The following MARCHF8 variants were observed in gnomAD, a reference collection of about 807,000 sequenced individuals.
MARCHF8 encodes E3 ubiquitin-protein ligase MARCHF8.
Under a neutral mutation model 51.6 loss-of-function variants are expected in MARCHF8, and 40 were observed. The observed-to-expected ratio is 0.77, with a 90% confidence interval of 0.60 to 1.01. MARCHF8 has a LOEUF of 1.01. MARCHF8 is among the 50% of genes least tolerant of loss of function. MARCHF8 has a pLI of 0.00. For missense variants in MARCHF8, 685 were observed against 708.6 expected (o/e 0.97, Z 0.38); for synonymous variants, 263 against 280.3 (o/e 0.94, Z 0.62).
chr10:45,506,825 T>A (rs1478197430), intron 2 of MARCHF8, among the ~76,000 whole-genome samples: 2 of 152,052 alleles, frequency 1.3e-5, no homozygotes, highest in Non-Finnish European at 2.9e-5. Flanking sequence ...AGTGGAAAAT[T>A]TTCACTTCTT....
At chr10:45,509,282 G>A (rs1403206537) in intron 2 of MARCHF8, among the ~76,000 whole-genome samples, 2 of 152,190 alleles carry the variant, frequency 1.3e-5, no homozygotes, top group Non-Finnish European at 2.9e-5. Context: ...TGTAGTTTTT[G>A]TCTGGAATAT....
At chr10:45,487,805 A>AT (rs562846749) in intron 3 of MARCHF8, among the ~76,000 whole-genome samples, 16 of 152,268 alleles carry the variant, frequency 1.1e-4, no homozygotes, top group Non-Finnish European at 1.9e-4. Flanking sequence ...GAAAACATAT[A>AT]TGTAGTCAGC....
At chr10:45,499,832 T>C (rs914575286) in intron 2 of MARCHF8, among the ~76,000 whole-genome samples, 1 of 152,244 alleles carries the variant, frequency 6.6e-6, no homozygotes, top group African/African-American at 2.4e-5. Flanking sequence ...ACTTGTTTAC[T>C]GTAGCTTTGT....
chr10:45,505,698 G>A, intron 2 of MARCHF8, among the ~76,000 whole-genome samples: 1 of 152,232 alleles, frequency 6.6e-6, no homozygotes, highest in East Asian at 1.9e-4. Context: ...ATTTCCCAAT[G>A]GGGATTCGGT....
intron 3 of MARCHF8, among the ~76,000 whole-genome samples, chr10:45,481,668 G>C (rs2042889850): frequency 6.6e-6 from 1 of 152,110 alleles, no homozygotes; most frequent in Non-Finnish European, 1.5e-5. Context: ...ATCATTGTGA[G>C]GCCTCCCCAG....
intron 2 of MARCHF8, among the ~76,000 whole-genome samples, chr10:45,524,784 C>T (rs1286329528): frequency 1.3e-5 from 2 of 152,054 alleles, no homozygotes; most frequent in African/African-American, 2.4e-5. Flanking sequence ...TGGTCTTATA[C>T]TGTATCTCAA....
intron 1 of MARCHF8, among the ~76,000 whole-genome samples, chr10:45,566,710 T>C (rs948208401): frequency 4.0e-5 from 5 of 123,994 alleles, no homozygotes; most frequent in Non-Finnish European, 6.3e-5. Flanking sequence ...TTAGCTATTG[T>C]AAACAGTGCT....
chr10:45,580,755 T>C (rs1316700891), intron 1 of MARCHF8, among the ~76,000 whole-genome samples: 2 of 152,198 alleles, frequency 1.3e-5, no homozygotes, highest in Non-Finnish European at 2.9e-5. Flanking sequence ...TGAGACAATA[T>C]AAAGATACCA....
chr10:45,458,838 CTCAG>C (rs1390889865), intron 7 of MARCHF8, among the ~76,000 whole-genome samples: 2 of 152,162 alleles, frequency 1.3e-5, no homozygotes, highest in African/African-American at 2.4e-5. Flanking sequence ...TCCAATGTTG[CTCAG>C]TCAAAGAAGA....
chr10:45,488,148 G>A (rs1472612808), intron 3 of MARCHF8, among the ~76,000 whole-genome samples: 1 of 152,158 alleles, frequency 6.6e-6, no homozygotes, highest in Non-Finnish European at 1.5e-5. Context: ...CACCACAGGT[G>A]AGGAGATGCT....
At chr10:45,521,414 T>C (rs1415102754) in intron 2 of MARCHF8, among the ~76,000 whole-genome samples, 2 of 152,230 alleles carry the variant, frequency 1.3e-5, no homozygotes, top group Non-Finnish European at 2.9e-5. Context: ...TGTAGGGGCC[T>C]TTCCTTCTTC....
At chr10:45,489,541 C>G in intron 2 of MARCHF8, 124 bp from the exon 3 acceptor site, 1 of 776,412 alleles carries the variant, frequency 1.3e-6, no homozygotes, top group South Asian at 1.7e-5. Flanking sequence ...AAAGCACAAC[C>G]TACTATATAC....
intron 3 of MARCHF8, among the ~76,000 whole-genome samples, chr10:45,468,406 C>T (rs745352553): frequency 8.5e-5 from 13 of 152,248 alleles, no homozygotes; most frequent in Non-Finnish European, 1.3e-4. Flanking sequence ...TACTGCCCAG[C>T]CTCCTCTATT....
chr10:45,593,733 T>G (rs373860041), intron 1 of MARCHF8: 1 of 152,242 alleles, frequency 6.6e-6, no homozygotes, highest in African/African-American at 2.4e-5. Flanking sequence ...ATCAGAAATT[T>G]TGGGGCCAAA....
chr10:45,533,334 C>G, intron 1 of MARCHF8, 45 bp from the exon 2 acceptor site: 1 of 1,226,372 alleles, frequency 8.2e-7, no homozygotes, highest in Non-Finnish European at 1.1e-6. Context: ...AGCTAAAACA[C>G]TTTAAATTTC....
At chr10:45,514,487 G>A (rs769809241) in intron 2 of MARCHF8, among the ~76,000 whole-genome samples, 3 of 152,250 alleles carry the variant, frequency 2.0e-5, no homozygotes, top group South Asian at 2.1e-4. Context: ...GCTGGCTGTC[G>A]CAGCTGGACT....
intron 1 of MARCHF8, among the ~76,000 whole-genome samples, chr10:45,578,148 A>C (rs1252044667): frequency 2.6e-5 from 4 of 152,234 alleles, no homozygotes; most frequent in Admixed American, 6.5e-5. Flanking sequence ...CACAATAAGC[A>C]CATCATATAT....
At chr10:45,539,743 G>A (rs978185921), upstream of MARCHF8, among the ~76,000 whole-genome samples, 1 of 152,024 alleles carries the variant, frequency 6.6e-6, no homozygotes, top group Non-Finnish European at 1.5e-5. Flanking sequence ...AGTCAATTAG[G>A]AAAAGAGGAA....
Position 45,565,093 on chromosome 10 carries a change from T to G in MARCHF8, c.-79+29142A>C, listed in dbSNP as rs1437416864. 2.0e-5 allele frequency among the ~76,000 whole-genome samples: 3 copies of G among 152,238 alleles called. No individual in the cohort carries two copies. The South Asian group carries it at 6.2e-4, about 32-fold the overall frequency. ...TTCTTTAGAAGACACACGCTGGCTG[T>G]TGAAAGCAATAACAACACTGTATCA... On this transcript the variant is annotated intron_variant, in intron 1 of 6. Coordinates refer to the MARCHF8 transcript ENST00000319836.
Sources: allele counts gnomAD v4.1 joint callset (sites outside exome capture counted in the v4.1 genomes callset), GRCh38; gene constraint gnomAD v4.1.1; transcripts MANE v1.5; gene names NCBI Gene and HGNC (gene_info 2026-07-23, HGNC 2026-07-21).